STAB2: variants seen among roughly 807,000 people sequenced by gnomAD.
The protein encoded by STAB2 is stabilin 2, also known as stabilin-2.
Under a neutral mutation model 338.1 loss-of-function variants are expected in STAB2, and 288 were observed. The observed-to-expected ratio is 0.85, with a 90% confidence interval of 0.77 to 0.94. The LOEUF is 0.94. Ranked by LOEUF, STAB2 falls within the 40% of genes least tolerant of loss-of-function variation. The pLI, the probability that STAB2 is intolerant of heterozygous loss-of-function variation, is 0.00. For missense variants in STAB2, 3,141 were observed against 3,210.1 expected (o/e 0.98, Z 0.52); for synonymous variants, 1,202 against 1,193.3 (o/e 1.01, Z -0.15).
intron 23 of STAB2, among the ~76,000 whole-genome samples, chr12:103,674,379 T>A (rs1318778238): frequency 1.3e-5 from 2 of 152,172 alleles, no homozygotes; most frequent in Non-Finnish European, 2.9e-5. Context: ...TGATGATACC[T>A]ACCAAGCAGG....
chr12:103,689,993 CTTATT>C lies in STAB2; in HGVS notation c.3182+20_3182+24del, dbSNP rs754523134. 3.1e-6 allele frequency: 5 copies of C among 1,609,432 alleles called. No individual in the cohort carries two copies. Among genetic ancestry groups the C allele is most frequent in the African/African-American group, 2.7e-5 (2 of 74,598 alleles). ...TCCAGCCCTAATAAAGTAGGTGTTA[CTTATT>C]TTATTTTACATCGTATCTGAATGGC... On this transcript the variant is annotated intron_variant, in intron 29 of 68. Coordinates refer to ENST00000388887, the MANE Select transcript of STAB2 (RefSeq NM_017564.10).
At position 103,590,989 on chromosome 12, in the gene STAB2, C is replaced by T. The variant is rs1335021239; in HGVS notation, c.174C>T (p.Tyr58=). Residue 58 remains tyrosine (Y), a synonymous_variant, in exon 2 of 69, where the codon TAC becomes TAT. Transcript: ENST00000388887. ...LNLGVKCPDG[Y]TMITSGSVGV... ...TTGGAGTCAAGTGCCCGGATGGTTA[C>T]ACCATGATTACCAGTGGCTCTGTAG... 6.2e-7 allele frequency: 1 copy of T among 1,613,990 alleles called. No individual in the cohort carries two copies. The highest frequency in any genetic ancestry group is 8.5e-7 in the Non-Finnish European group (1 of 1,180,024).
chr12:103,681,810 C>T (rs996045812), intron 25 of STAB2, among the ~76,000 whole-genome samples: 24 of 151,706 alleles, frequency 1.6e-4, no homozygotes, highest in Admixed American at 1.0e-3. Flanking sequence ...TTAGTAGAGA[C>T]GGGGTTTCTC....
chr12:103,727,629 C>T (rs1359056776), intron 47 of STAB2, among the ~76,000 whole-genome samples: 4 of 152,184 alleles, frequency 2.6e-5, no homozygotes, highest in African/African-American at 9.7e-5. Context: ...TGATTTAGAC[C>T]TCCTATAGAC....
chr12:103,698,725 T>C (rs1878608659), intron 33 of STAB2, among the ~76,000 whole-genome samples: 1 of 152,144 alleles, frequency 6.6e-6, no homozygotes, highest in African/African-American at 2.4e-5. Flanking sequence ...TGGAGCATCC[T>C]AGTGAAGCTC....
intron 7 of STAB2, 33 bp from the exon 8 acceptor site, chr12:103,637,982 CT>C: frequency 6.3e-7 from 1 of 1,591,446 alleles, no homozygotes; most frequent in Non-Finnish European, 8.6e-7. Context: ...TCCCCGTTAA[CT>C]AACTGCCTCT....
At chr12:103,677,343 A>T (rs1876474807) in intron 24 of STAB2, 110 bp from the exon 25 acceptor site, 1 of 1,394,312 alleles carries the variant, frequency 7.2e-7, no homozygotes, top group African/African-American at 1.4e-5. Context: ...CACCTCACTC[A>T]ATGCAAATCT....
chr12:103,660,409 A>G (rs1470061397), intron 16 of STAB2, 25 bp downstream of exon 16: 3 of 1,613,050 alleles, frequency 1.9e-6, no homozygotes, highest in African/African-American at 2.7e-5. Context: ...TCCTGCTGCT[A>G]CTTTCTCTCT....
chr12:103,741,655 A>T (rs10745980), intron 55 of STAB2, among the ~76,000 whole-genome samples: 1 of 152,014 alleles, frequency 6.6e-6, no homozygotes, highest in Non-Finnish European at 1.5e-5. Flanking sequence ...GGTTTTCGCC[A>T]TGTTGCCCAG....
intron 66 of STAB2, 25 bp downstream of exon 66, chr12:103,761,435 C>T (rs759411839): frequency 3.0e-5 from 48 of 1,605,544 alleles, no homozygotes; most frequent in South Asian, 9.9e-5. Flanking sequence ...TCCCTGATAA[C>T]GGGCCAGGAG....
intron 11 of STAB2, among the ~76,000 whole-genome samples, 161 bp downstream of exon 11, chr12:103,650,739 C>T (rs1873678000): frequency 6.6e-6 from 1 of 152,116 alleles, no homozygotes; most frequent in Non-Finnish European, 1.5e-5. Context: ...ATATAACATC[C>T]TTACAGAAAG....
chr12:103,596,847 TACTTGGGAGACTGAGGCTGGAGAATA>T (rs1340237410), intron 3 of STAB2, among the ~76,000 whole-genome samples: 1 of 149,714 alleles, frequency 6.7e-6, no homozygotes, highest in East Asian at 2.0e-4. Context: ...TAATCCCAGC[TACTTGGGAGACTGAGGCTGGAGAATA>T]ACTTGGGAGG....
At chr12:103,762,135 A>G in intron 66 of STAB2, 139 bp from the exon 67 acceptor site, 1 of 1,138,648 alleles carries the variant, frequency 8.8e-7, no homozygotes, top group Non-Finnish European at 1.3e-6. Context: ...AGACCCTGGC[A>G]GTAATAAGGG....
At chr12:103,613,816 G>A (rs1957167848) in intron 3 of STAB2, among the ~76,000 whole-genome samples, 1 of 152,030 alleles carries the variant, frequency 6.6e-6, no homozygotes, top group Admixed American at 6.6e-5. Flanking sequence ...TTCCTATTCG[G>A]CCATCTTGGA....
chr12:103,642,935 G>A (rs1410241070), intron 9 of STAB2, among the ~76,000 whole-genome samples: 1 of 152,212 alleles, frequency 6.6e-6, no homozygotes, highest in African/African-American at 2.4e-5. Context: ...ATATACCCTT[G>A]CCTCAGGTTC....
chr12:103,752,833 A>C (rs550309825), intron 60 of STAB2, among the ~76,000 whole-genome samples: 169 of 152,384 alleles, frequency 1.1e-3, no homozygotes, highest in African/African-American at 3.5e-3. Context: ...TATAACATGA[A>C]TAAATAGGAA....
At chr12:103,658,345 CCT>C (rs2138759066) in intron 15 of STAB2, among the ~76,000 whole-genome samples, 1 of 152,244 alleles carries the variant, frequency 6.6e-6, no homozygotes, top group African/African-American at 2.4e-5. Context: ...CTCCTGGAAA[CCT>C]ACCCTGTTCG....
intron 3 of STAB2, among the ~76,000 whole-genome samples, chr12:103,604,434 G>A (rs1288450742): frequency 2.0e-5 from 3 of 151,980 alleles, no homozygotes; most frequent in Non-Finnish European, 4.4e-5. Context: ...TTGTAAAACT[G>A]ATATAACTTC....
chr12:103,671,688 T>C (rs1457064259), intron 22 of STAB2, among the ~76,000 whole-genome samples: 5 of 152,222 alleles, frequency 3.3e-5, no homozygotes, highest in Non-Finnish European at 5.9e-5. Flanking sequence ...CAAATATTAT[T>C]ATCTCACTAT....
Sources: gnomAD v4.1 joint callset for allele counts (sites outside exome capture counted in the v4.1 genomes callset) on GRCh38, gnomAD v4.1.1 for gene constraint, MANE v1.5 for transcripts, NCBI Gene and HGNC (gene_info 2026-07-23, HGNC 2026-07-21) for gene names.